Variants in MARCHF1 observed in about 807,000 individuals in gnomAD.
MARCHF1 encodes E3 ubiquitin-protein ligase MARCHF1.
Under a neutral mutation model 54.2 loss-of-function variants are expected in MARCHF1, and 40 were observed. The ratio of observed to expected loss-of-function variants is 0.74; its 90% CI spans 0.57 to 0.96. The LOEUF (loss-of-function observed/expected upper bound fraction) is 0.96, where lower values mean the gene tolerates loss of function less well. MARCHF1 is among the 40% of genes least tolerant of loss of function. The pLI, the probability that MARCHF1 is intolerant of heterozygous loss-of-function variation, is 0.00. For missense variants in MARCHF1, 586 were observed against 656.5 expected (o/e 0.89, Z 1.17); for synonymous variants, 236 against 236.3 (o/e 1.00, Z 0.01).
intron 2 of MARCHF1, among the ~76,000 whole-genome samples, chr4:164,092,527 A>G (rs1755326991): frequency 6.6e-6 from 1 of 152,136 alleles, no homozygotes; most frequent in Non-Finnish European, 1.5e-5. Context: ...TGTCTATTCT[A>G]TATCCAGAAT....
chr4:163,934,856 A>T (rs559150160), intron 3 of MARCHF1, among the ~76,000 whole-genome samples: 1 of 152,188 alleles, frequency 6.6e-6, no homozygotes, highest in East Asian at 1.9e-4. Context: ...TAATGTTGAT[A>T]TGTTGATCTC....
intron 5 of MARCHF1, among the ~76,000 whole-genome samples, chr4:163,652,078 C>A (rs1453663500): frequency 6.6e-6 from 1 of 151,732 alleles, no homozygotes; most frequent in Non-Finnish European, 1.5e-5. Context: ...GAATGTTCTG[C>A]CGTCATGTGC....
chr4:163,757,640 A>G (rs900343495), intron 4 of MARCHF1, among the ~76,000 whole-genome samples: 2 of 152,222 alleles, frequency 1.3e-5, no homozygotes, highest in Non-Finnish European at 2.9e-5. Context: ...AAAAAAATAG[A>G]AACACCATAG....
chr4:164,379,706 C>T (rs1420031739), intron 1 of MARCHF1, among the ~76,000 whole-genome samples: 1 of 152,106 alleles, frequency 6.6e-6, no homozygotes, highest in Non-Finnish European at 1.5e-5. Context: ...CAAATGTTGG[C>T]CGGGCACAGT....
intron 5 of MARCHF1, among the ~76,000 whole-genome samples, chr4:163,648,442 A>G (rs1430884670): frequency 1.4e-5 from 2 of 138,182 alleles, no homozygotes; most frequent in Non-Finnish European, 3.4e-5. Flanking sequence ...TTTAAGACAT[A>G]CTGACTGTTT....
intron 4 of MARCHF1, among the ~76,000 whole-genome samples, chr4:163,795,480 T>G (rs186089726): frequency 1.3e-5 from 2 of 152,342 alleles, no homozygotes; most frequent in African/African-American, 4.8e-5. Context: ...TCCACCTGCC[T>G]TGGCCTCCCA....
intron 1 of MARCHF1, among the ~76,000 whole-genome samples, chr4:164,168,856 CTTT>C (rs1235472320): frequency 2.0e-5 from 3 of 151,942 alleles, no homozygotes; most frequent in Non-Finnish European, 4.4e-5. Context: ...ATTATGACAT[CTTT>C]TTTATGTTAT....
intron 4 of MARCHF1, among the ~76,000 whole-genome samples, chr4:163,744,490 C>T (rs1746299849): frequency 6.6e-6 from 1 of 152,154 alleles, no homozygotes; most frequent in Non-Finnish European, 1.5e-5. Context: ...TTTGCAGTTA[C>T]TTAAGCCCTC....
chr4:163,527,862 A>ACAT lies in MARCHF1; in HGVS notation c.*883_*885dup, dbSNP rs753619101. The ACAT allele has an allele frequency of 5.9e-5, 9 of 152,118 alleles. No homozygotes were observed. The highest frequency in any genetic ancestry group is 1.3e-4 in the Non-Finnish European group (9 of 67,968). The allele number at this position is 152,118 out of a possible 1,614,324, so 9.4% of individuals were successfully genotyped here. A position where few individuals can be genotyped will look rare whatever the true frequency, so the allele number is the denominator to read the frequency against. ...TTTATATTGATGACATGTTGAAATAACATATAGTGTTTTTAAAAAATCAAA... is the reference window on the plus strand; with the variant it reads ...TTTATATTGATGACATGTTGAAATAACATCATATAGTGTTTTTAAAAAATCAAA... On this transcript the variant is annotated 3_prime_UTR_variant, in exon 10 of 10. Transcript: ENST00000514618.
intron 1 of MARCHF1, among the ~76,000 whole-genome samples, chr4:164,360,688 G>A (rs1456937912): frequency 1.6e-4 from 24 of 152,050 alleles, no homozygotes; most frequent in Admixed American, 1.6e-3. Context: ...CCATGGATAT[G>A]CTTGGAGAAA....
chr4:163,622,278 C>G (rs1439716729), intron 5 of MARCHF1, among the ~76,000 whole-genome samples: 1 of 152,032 alleles, frequency 6.6e-6, no homozygotes, highest in Non-Finnish European at 1.5e-5. Flanking sequence ...GGCCCCCGAT[C>G]CACCAGCCAG....
intron 4 of MARCHF1, among the ~76,000 whole-genome samples, chr4:163,847,512 CT>C (rs1226118277): frequency 1.6e-4 from 24 of 145,980 alleles, no homozygotes; most frequent in African/African-American, 4.6e-4. Context: ...CTGCTACTAC[CT>C]TTTTTTTTCA....
chr4:163,563,644 A>AGAT (rs1739547108), intron 8 of MARCHF1, among the ~76,000 whole-genome samples: 2 of 152,224 alleles, frequency 1.3e-5, no homozygotes, highest in Admixed American at 6.5e-5. Context: ...AGACCTCAGA[A>AGAT]GATTTATTTA....
chr4:163,631,202 C>CT (rs11453826), intron 5 of MARCHF1, among the ~76,000 whole-genome samples: 5,423 of 146,872 alleles, frequency 0.037, 314 homozygotes, highest in East Asian at 0.2. Context: ...AGTTGCAGAA[C>CT]TTTTTTTTTT....
chr4:163,680,054 T>C (rs2111161425), intron 5 of MARCHF1, among the ~76,000 whole-genome samples: 1 of 151,890 alleles, frequency 6.6e-6, no homozygotes, highest in East Asian at 1.9e-4. Flanking sequence ...TTCACATTGC[T>C]TTCCTGTTTT....
intron 3 of MARCHF1, among the ~76,000 whole-genome samples, chr4:163,858,851 A>G (rs1408825426): frequency 3.3e-5 from 5 of 152,316 alleles, no homozygotes; most frequent in East Asian, 1.9e-4. Flanking sequence ...TGGGGTTCCA[A>G]TGACCGCTAA....
intron 2 of MARCHF1, among the ~76,000 whole-genome samples, chr4:164,095,058 T>A (rs1300527092): frequency 6.6e-6 from 1 of 152,138 alleles, no homozygotes; most frequent in Non-Finnish European, 1.5e-5. Context: ...TGCTTAACAA[T>A]GGCCTAAGCA....
chr4:164,220,500 G>A (rs894848073), intron 1 of MARCHF1, among the ~76,000 whole-genome samples: 3 of 144,860 alleles, frequency 2.1e-5, no homozygotes, highest in Non-Finnish European at 3.0e-5. Context: ...ATACACATAT[G>A]GGAATGGCAT....
At chr4:163,543,277 A>G (rs1227016072) in intron 9 of MARCHF1, among the ~76,000 whole-genome samples, 5 of 152,128 alleles carry the variant, frequency 3.3e-5, no homozygotes, top group African/African-American at 1.2e-4. Context: ...TAGTTTCCAC[A>G]TGGATGGTAG....
Sources: gnomAD v4.1 joint callset for allele counts (sites outside exome capture counted in the v4.1 genomes callset) on GRCh38, gnomAD v4.1.1 for gene constraint, MANE v1.5 for transcripts, NCBI Gene and HGNC (gene_info 2026-07-23, HGNC 2026-07-21) for gene names.